Variants in LIMA1 observed in about 807,000 individuals in gnomAD.
LIMA1 encodes the protein LIM domain and actin binding 1.
LIMA1 carries 52 observed loss-of-function variants against 62.6 expected under a neutral mutation model. The observed-to-expected ratio is 0.83, with a 90% CI of 0.67 to 1.05. The LOEUF (loss-of-function observed/expected upper bound fraction) is 1.05. Ranked by LOEUF, LIMA1 falls within the 50% of genes least tolerant of loss-of-function variation. The pLI is 0.00. For synonymous variants in LIMA1, 302 were observed against 317.8 expected, an observed-to-expected ratio of 0.95 and a Z score of 0.53; for missense variants, 780 against 902.2, an observed-to-expected ratio of 0.86 and a Z score of 1.74.
intron 1 of LIMA1, among the ~76,000 whole-genome samples, chr12:50,250,557 T>C (rs995294617): frequency 8.1e-5 from 10 of 123,918 alleles, no homozygotes; most frequent in African/African-American, 3.4e-4. Flanking sequence ...CAGACCAAGA[T>C]GTTCTCAAAA....
At chr12:50,196,469 T>C (rs1056890311) in intron 7 of LIMA1, among the ~76,000 whole-genome samples, 1 of 152,166 alleles carries the variant, frequency 6.6e-6, no homozygotes, top group African/African-American at 2.4e-5. Flanking sequence ...AAAATGGCAA[T>C]GTTTAAAAAG....
At chr12:50,208,251 C>T (rs1195460612) in intron 4 of LIMA1, among the ~76,000 whole-genome samples, 1 of 151,668 alleles carries the variant, frequency 6.6e-6, no homozygotes, top group Non-Finnish European at 1.5e-5. Context: ...TTTGGGAGGC[C>T]GAGGCAGAAG....
At chr12:50,186,666 G>A (rs1043142548) in intron 9 of LIMA1, 4 of 152,148 alleles carry the variant, frequency 2.6e-5, no homozygotes, top group Non-Finnish European at 4.4e-5. Flanking sequence ...CTATATAAAG[G>A]ATATTTTCTG....
intron 1 of LIMA1, among the ~76,000 whole-genome samples, chr12:50,255,732 ACT>A (rs1471614637): frequency 1.3e-5 from 2 of 151,502 alleles, no homozygotes; most frequent in Non-Finnish European, 2.9e-5. Flanking sequence ...AAAAAAAAAA[ACT>A]AAAAAACTTC....
At chr12:50,183,254 T>C (rs1940547361) in intron 9 of LIMA1, among the ~76,000 whole-genome samples, 1 of 152,002 alleles carries the variant, frequency 6.6e-6, no homozygotes, top group African/African-American at 2.4e-5. Flanking sequence ...GGGGAGTAGA[T>C]GGGAATGCAA....
chr12:50,281,796 G>C (rs1942342881), intron 1 of LIMA1, among the ~76,000 whole-genome samples: 1 of 152,082 alleles, frequency 6.6e-6, no homozygotes, highest in African/African-American at 2.4e-5. Context: ...TGTTTTTAAG[G>C]AAAAGCAGAA....
chr12:50,263,863 A>ATATATATATAAAG (rs1942106218), intron 1 of LIMA1, among the ~76,000 whole-genome samples: 5 of 132,156 alleles, frequency 3.8e-5, no homozygotes, highest in African/African-American at 1.4e-4. Context: ...GAGAGTATAT[A>ATATATATATAAAG]TATATATATA....
intron 4 of LIMA1, among the ~76,000 whole-genome samples, chr12:50,220,820 G>A (rs1201284625): frequency 6.6e-6 from 1 of 152,198 alleles, no homozygotes; most frequent in South Asian, 2.1e-4. Context: ...GTTAAGAAAC[G>A]TTATAAAACT....
chr12:50,282,808 T>C (rs994018863), intron 1 of LIMA1, among the ~76,000 whole-genome samples: 1 of 152,194 alleles, frequency 6.6e-6, no homozygotes, highest in Non-Finnish European at 1.5e-5. Flanking sequence ...CAGCTACAAC[T>C]TCAAGCTTTA....
intron 1 of LIMA1, among the ~76,000 whole-genome samples, chr12:50,276,098 A>G (rs570573732): frequency 5.4e-4 from 82 of 152,096 alleles, no homozygotes; most frequent in African/African-American, 1.8e-3. Context: ...GACAACTCTG[A>G]TAACTTTTCT....
intron 8 of LIMA1, among the ~76,000 whole-genome samples, chr12:50,195,278 A>AG: frequency 2.0e-5 from 3 of 152,242 alleles, no homozygotes; most frequent in Admixed American, 2.0e-4. Context: ...ACAAAAAAAA[A>AG]CATTTTTGTC....
intron 4 of LIMA1, among the ~76,000 whole-genome samples, chr12:50,212,149 A>G (rs1941268901): frequency 6.6e-6 from 1 of 152,256 alleles, no homozygotes; most frequent in Non-Finnish European, 1.5e-5. Context: ...ACAGAAATAA[A>G]GTAAGTTAGG....
intron 6 of LIMA1, among the ~76,000 whole-genome samples, chr12:50,202,797 T>C (rs995743043): frequency 1.3e-5 from 2 of 152,210 alleles, no homozygotes; most frequent in African/African-American, 4.8e-5. Flanking sequence ...GTTTCCAATA[T>C]GCACCAATTT....
intron 1 of LIMA1, among the ~76,000 whole-genome samples, chr12:50,277,810 A>G (rs778667769): frequency 2.6e-5 from 4 of 152,228 alleles, no homozygotes; most frequent in Non-Finnish European, 5.9e-5. Flanking sequence ...AAAGAATACC[A>G]AACAAAAAAC....
intron 4 of LIMA1, among the ~76,000 whole-genome samples, chr12:50,216,424 AG>A: frequency 6.6e-6 from 1 of 151,912 alleles, no homozygotes. Flanking sequence ...CATGTTGGTC[AG>A]GCTGGTCTCA....
At chr12:50,228,664 C>T (rs1311271907) in intron 3 of LIMA1, among the ~76,000 whole-genome samples, 1 of 152,206 alleles carries the variant, frequency 6.6e-6, no homozygotes, top group Non-Finnish European at 1.5e-5. Context: ...ATTTTATCCG[C>T]AGCGGGGATC....
intron 1 of LIMA1, among the ~76,000 whole-genome samples, chr12:50,269,635 T>C (rs375609518): frequency 4.6e-5 from 7 of 152,190 alleles, no homozygotes; most frequent in African/African-American, 1.7e-4. Flanking sequence ...GATAAAATTT[T>C]AGGAGCGGGC....
chr12:50,274,436 T>G (rs1437710403), intron 1 of LIMA1, among the ~76,000 whole-genome samples: 1 of 152,082 alleles, frequency 6.6e-6, no homozygotes, highest in Non-Finnish European at 1.5e-5. Context: ...ATAAAAAATT[T>G]AGCTGGGTGT....
At chr12:50,253,853 C>T (rs1205415772) in intron 1 of LIMA1, among the ~76,000 whole-genome samples, 2 of 151,458 alleles carry the variant, frequency 1.3e-5, no homozygotes, top group African/African-American at 2.4e-5. Context: ...GTAGCAAAAT[C>T]CTGTCTTTAC....
Sources: gnomAD v4.1 joint callset for allele counts (sites outside exome capture counted in the v4.1 genomes callset) on GRCh38, gnomAD v4.1.1 for gene constraint, MANE v1.5 for transcripts, NCBI Gene and HGNC (gene_info 2026-07-23, HGNC 2026-07-21) for gene names.